Variants in PPP4R2 observed in about 807,000 individuals in gnomAD.
The protein encoded by PPP4R2 is protein phosphatase 4 regulatory subunit 2.
A neutral mutation model predicts 47.2 loss-of-function variants in PPP4R2; 13 were observed. The observed-to-expected ratio is 0.28, with a 90% CI of 0.18 to 0.44. The LOEUF (loss-of-function observed/expected upper bound fraction) is 0.44, where lower values mean the gene tolerates loss of function less well. Ranked by LOEUF, PPP4R2 falls within the 20% of genes least tolerant of loss-of-function variation. The pLI, the probability that PPP4R2 is intolerant of heterozygous loss-of-function variation, is 1.00. For missense variants in PPP4R2, 421 were observed against 491.2 expected, an observed-to-expected ratio of 0.86 and a Z score of 1.35; for synonymous variants, 151 against 163.3, an observed-to-expected ratio of 0.92 and a Z score of 0.57.
intron 1 of PPP4R2, among the ~76,000 whole-genome samples, chr3:72,997,742 A>G (rs1701380520): frequency 1.3e-5 from 2 of 152,126 alleles, no homozygotes; most frequent in Admixed American, 1.3e-4. Context: ...TAGATGAACA[A>G]TTGGTGGGAG....
intron 2 of PPP4R2, among the ~76,000 whole-genome samples, chr3:73,024,880 G>A (rs556624101): frequency 1.1e-4 from 17 of 152,256 alleles, no homozygotes; most frequent in Non-Finnish European, 2.1e-4. Flanking sequence ...TTATTAGAAG[G>A]ATATTGAAAT....
intron 2 of PPP4R2, among the ~76,000 whole-genome samples, chr3:73,020,949 T>C (rs564973617): frequency 6.6e-6 from 1 of 152,178 alleles, no homozygotes; most frequent in African/African-American, 2.4e-5. Context: ...CCAAGTACTA[T>C]CATATTAGGA....
intron 2 of PPP4R2, among the ~76,000 whole-genome samples, chr3:73,018,522 TG>T (rs939689297): frequency 7.2e-6 from 1 of 139,088 alleles, no homozygotes; most frequent in African/African-American, 2.7e-5. Context: ...GATGTGTCCA[TG>T]GCTCATGGCA....
chr3:73,028,462 CT>C (rs1008863251), intron 2 of PPP4R2, among the ~76,000 whole-genome samples: 3 of 152,028 alleles, frequency 2.0e-5, no homozygotes, highest in South Asian at 4.2e-4. Flanking sequence ...AGGTAGAAGA[CT>C]TTTTTTGTTT....
intron 3 of PPP4R2, among the ~76,000 whole-genome samples, chr3:73,048,388 A>C (rs1702534029): frequency 6.6e-6 from 1 of 151,998 alleles, no homozygotes; most frequent in African/African-American, 2.4e-5. Flanking sequence ...TAGCTAGGCT[A>C]GGACCACAGG....
chr3:73,014,950 T>C, intron 2 of PPP4R2: 1 of 694,216 alleles, frequency 1.4e-6, no homozygotes. Flanking sequence ...GTGATCCACC[T>C]GCCTCAACTT....
At chr3:73,034,899 G>A (rs1032528340) in intron 2 of PPP4R2, among the ~76,000 whole-genome samples, 1 of 151,400 alleles carries the variant, frequency 6.6e-6, no homozygotes, top group African/African-American at 2.4e-5. Flanking sequence ...GGCAAAGGTA[G>A]GTGAGACCTC....
chr3:73,041,024 T>C (rs1287387371), intron 2 of PPP4R2, among the ~76,000 whole-genome samples: 1 of 152,244 alleles, frequency 6.6e-6, no homozygotes, highest in Non-Finnish European at 1.5e-5. Flanking sequence ...TACATACTTC[T>C]ATGTCTTTAT....
rs1575831967 is a variant in PPP4R2, at chr3:72,998,895, G to A, written c.116+737G>A. 2.6e-5 allele frequency among the ~76,000 whole-genome samples: 4 copies of A among 152,198 alleles called. 1 individual carries two copies. The highest frequency in any genetic ancestry group is 2.6e-4 in the Admixed American group (4 of 15,286). ...GATGACTTCTTTTTGTAGTCTTTGGGTGGGGGCTGGGGCAGCAGGAAAGGG... is the reference window on the plus strand; with the variant it reads ...GATGACTTCTTTTTGTAGTCTTTGGATGGGGGCTGGGGCAGCAGGAAAGGG... On this transcript the variant is annotated intron_variant, in intron 2 of 8. Coordinates refer to ENST00000356692, the MANE Select transcript of PPP4R2 (RefSeq NM_174907.4).
chr3:73,007,898 A>G (rs1164842911), intron 2 of PPP4R2, among the ~76,000 whole-genome samples: 1 of 151,132 alleles, frequency 6.6e-6, no homozygotes, highest in Admixed American at 6.6e-5. Flanking sequence ...ACCTTTATGA[A>G]TTTTTCCACA....
chr3:73,001,848 C>CT (rs1701469023), intron 2 of PPP4R2, among the ~76,000 whole-genome samples: 2 of 152,290 alleles, frequency 1.3e-5, no homozygotes, highest in African/African-American at 4.8e-5. Flanking sequence ...AGGATGATCT[C>CT]TATCTCTTGA....
In PPP4R2 at chr3:73,058,961, C is replaced by T. The variant is rs563218213; in HGVS notation, c.288-76C>T. 1.7e-4 allele frequency: 155 copies of T among 888,170 alleles called. 5 individuals carry two copies. The South Asian group carries it at 1.8e-3, about 10-fold the overall frequency. The allele number at this position is 888,170 out of a possible 1,614,324, so 55.0% of individuals were successfully genotyped here. ...ACATGGGTGACTAGATACAGCTTTA[C>T]CTAGCAAAAGAAATAATGTTCCTCG... On this transcript the variant is annotated intron_variant, in intron 3 of 8. Transcript: ENST00000356692.
chr3:73,062,102 G>GT lies in PPP4R2; in HGVS notation c.419+1043dup, dbSNP rs776961869. 30 of 1,542,588 alleles carry GT rather than the reference G, an allele frequency of 1.9e-5. No homozygotes were observed. The South Asian group carries it at 3.6e-4, about 19-fold the overall frequency. On this transcript the variant is annotated intron_variant, in intron 5 of 8. Coordinates refer to ENST00000356692, the MANE Select transcript of PPP4R2 (RefSeq NM_174907.4). ...TAATAATGGGTTATTTTCTTAAATTGTATGCTTATGTTAATTCTCACAGTC... is the reference window on the plus strand; with the variant it reads ...TAATAATGGGTTATTTTCTTAAATTGTTATGCTTATGTTAATTCTCACAGTC...
intron 2 of PPP4R2, among the ~76,000 whole-genome samples, chr3:73,043,503 T>G (rs1296725139): frequency 6.6e-6 from 1 of 152,210 alleles, no homozygotes; most frequent in African/African-American, 2.4e-5. Context: ...TTTACCTTTC[T>G]GAGGAACTGC....
At chr3:73,051,049 C>T (rs11128307) in intron 3 of PPP4R2, among the ~76,000 whole-genome samples, 8 of 151,900 alleles carry the variant, frequency 5.3e-5, no homozygotes, top group Non-Finnish European at 1.0e-4. Context: ...CGAGTAGCCG[C>T]GTTTACTGGC....
At chr3:73,009,678 T>C (rs1701683550) in intron 2 of PPP4R2, among the ~76,000 whole-genome samples, 3 of 152,234 alleles carry the variant, frequency 2.0e-5, no homozygotes, top group Admixed American at 2.0e-4. Flanking sequence ...TTCTCTCTGC[T>C]TGTAGACTAA....
intron 2 of PPP4R2, among the ~76,000 whole-genome samples, chr3:73,009,306 T>A (rs1378739090): frequency 6.6e-6 from 1 of 152,168 alleles, no homozygotes; most frequent in East Asian, 1.9e-4. Flanking sequence ...TAATATGAGA[T>A]GTTAACTGTT....
At chr3:73,048,073 C>T (rs909377771) in intron 3 of PPP4R2, among the ~76,000 whole-genome samples, 11 of 152,064 alleles carry the variant, frequency 7.2e-5, no homozygotes, top group Non-Finnish European at 1.6e-4. Context: ...GACAGGGTTT[C>T]ACCATGTTAG....
At chr3:73,014,141 T>C (rs1701778871) in intron 2 of PPP4R2, among the ~76,000 whole-genome samples, 1 of 130,322 alleles carries the variant, frequency 7.7e-6, no homozygotes, top group Admixed American at 7.5e-5. Flanking sequence ...TATGGGTTCA[T>C]GATTATGTAC....
Sources: allele counts gnomAD v4.1 joint callset (sites outside exome capture counted in the v4.1 genomes callset), GRCh38; gene constraint gnomAD v4.1.1; transcripts MANE v1.5; gene names NCBI Gene and HGNC (gene_info 2026-07-23, HGNC 2026-07-21).